SND1: variants seen among roughly 807,000 people sequenced by gnomAD.
SND1 encodes staphylococcal nuclease and tudor domain containing 1, also known as staphylococcal nuclease domain-containing protein 1.
A neutral mutation model predicts 121.7 loss-of-function variants in SND1; 38 were observed. That is an observed-to-expected ratio of 0.31 (90% CI 0.24 to 0.41). The LOEUF (loss-of-function observed/expected upper bound fraction) is 0.41. Among genes scored for constraint, SND1 ranks in the 10% least tolerant of loss-of-function variants. SND1 has a pLI of 1.00. For synonymous variants in SND1, 401 were observed against 447.4 expected (o/e 0.90, Z 1.31); for missense variants, 868 against 1,184.6 (o/e 0.73, Z 3.92).
At chr7:127,737,858 A>G (rs1796805288) in intron 10 of SND1, among the ~76,000 whole-genome samples, 1 of 152,210 alleles carries the variant, frequency 6.6e-6, no homozygotes, top group Non-Finnish European at 1.5e-5. Flanking sequence ...TATAACCTAG[A>G]GTCCGCATCT....
intron 2 of SND1, among the ~76,000 whole-genome samples, chr7:127,688,167 T>C (rs1408572945): frequency 6.6e-6 from 1 of 152,118 alleles, no homozygotes; most frequent in Non-Finnish European, 1.5e-5. Context: ...TTGAGAACCT[T>C]CTGTGCCTAA....
intron 3 of SND1, among the ~76,000 whole-genome samples, chr7:127,695,533 T>C (rs540435790): frequency 8.5e-4 from 129 of 152,146 alleles, no homozygotes; most frequent in Non-Finnish European, 1.1e-3. Flanking sequence ...ATTGAGAGAG[T>C]TGAAAGAGAT....
intron 10 of SND1, among the ~76,000 whole-genome samples, chr7:127,786,019 C>T (rs971804217): frequency 2.6e-5 from 4 of 151,772 alleles, no homozygotes; most frequent in African/African-American, 7.3e-5. Context: ...GGAAAGATGT[C>T]TAAAAAAAAT....
At chr7:128,013,230 C>T (rs1178315331) in intron 16 of SND1, among the ~76,000 whole-genome samples, 5 of 152,190 alleles carry the variant, frequency 3.3e-5, no homozygotes, top group Non-Finnish European at 5.9e-5. Context: ...CTCTGGATCA[C>T]TCTCCAGAGT....
intron 12 of SND1, among the ~76,000 whole-genome samples, chr7:127,878,647 C>T (rs1456849672): frequency 6.6e-6 from 1 of 151,992 alleles, no homozygotes; most frequent in Non-Finnish European, 1.5e-5. Flanking sequence ...AGTCTGTAGC[C>T]ACTGTTTTGA....
At chr7:127,713,888 G>T (rs947489503) in intron 9 of SND1, among the ~76,000 whole-genome samples, 5 of 152,192 alleles carry the variant, frequency 3.3e-5, no homozygotes, top group Non-Finnish European at 5.9e-5. Context: ...ACTTCACAGC[G>T]ATTAGCTGAG....
chr7:127,794,770 C>T (rs893385010), intron 10 of SND1, among the ~76,000 whole-genome samples: 1 of 152,140 alleles, frequency 6.6e-6, no homozygotes, highest in Non-Finnish European at 1.5e-5. Flanking sequence ...GGCATTGGCT[C>T]TCCATTTTTA....
chr7:128,028,862 C>T, intron 16 of SND1: 1 of 1,614,198 alleles, frequency 6.2e-7, no homozygotes, highest in Non-Finnish European at 8.5e-7. Flanking sequence ...CTACTGCCCC[C>T]TCACCTGATA....
intron 14 of SND1, among the ~76,000 whole-genome samples, chr7:127,926,617 A>G (rs906554922): frequency 6.9e-6 from 1 of 144,974 alleles, no homozygotes; most frequent in African/African-American, 2.6e-5. Flanking sequence ...CAGTGGCACA[A>G]TCTTGGCTCA....
chr7:128,014,364 G>T (rs1376253810), intron 16 of SND1, among the ~76,000 whole-genome samples: 1 of 151,872 alleles, frequency 6.6e-6, no homozygotes, highest in Non-Finnish European at 1.5e-5. Flanking sequence ...CCTAGAGATT[G>T]CAAGGTATTT....
At chr7:127,732,584 GT>G (rs1796698864) in intron 10 of SND1, among the ~76,000 whole-genome samples, 1 of 152,210 alleles carries the variant, frequency 6.6e-6, no homozygotes, top group African/African-American at 2.4e-5. Flanking sequence ...GCCAGAAAGA[GT>G]GGCATCTTTA....
At chr7:127,654,323 C>T (rs1016584664) in intron 1 of SND1, among the ~76,000 whole-genome samples, 2 of 152,210 alleles carry the variant, frequency 1.3e-5, no homozygotes, top group African/African-American at 4.8e-5. Flanking sequence ...TTATCAGCCA[C>T]ATTTTATAGA....
At chr7:127,840,914 CT>C (rs1798952916) in intron 11 of SND1, among the ~76,000 whole-genome samples, 1 of 152,150 alleles carries the variant, frequency 6.6e-6, no homozygotes, top group African/African-American at 2.4e-5. Context: ...TTCTTATTCT[CT>C]TGATATGGGA....
At chr7:127,738,617 G>T (rs1796823265) in intron 10 of SND1, among the ~76,000 whole-genome samples, 1 of 152,102 alleles carries the variant, frequency 6.6e-6, no homozygotes, top group African/African-American at 2.4e-5. Flanking sequence ...GTTTATCTGG[G>T]AGAAGTCCAT....
intron 13 of SND1, among the ~76,000 whole-genome samples, chr7:127,894,018 C>A (rs1800066739): frequency 6.6e-6 from 1 of 152,046 alleles, no homozygotes; most frequent in African/African-American, 2.4e-5. Flanking sequence ...TGTGTTTGAA[C>A]CTGTAGGAAA....
At position 127,652,316 on chromosome 7, in the gene SND1, C is replaced by G; in HGVS notation, c.-58C>G. The G allele has an allele frequency of 7.1e-7, 1 of 1,416,494 alleles. No homozygotes were observed. The highest frequency in any genetic ancestry group is 9.8e-7 in the Non-Finnish European group (1 of 1,022,044). 87.7% of individuals were successfully genotyped at this position (1,416,494 alleles called of 1,614,324 possible). The stretch of plus-strand genomic sequence containing the variant: ...ACTCCCTTTCACCAACACCGACACC[C>G]ACATTGACACCTCCAGTCCGGCCAG... On this transcript the variant is annotated 5_prime_UTR_variant, in exon 1 of 24. Transcript: ENST00000354725.
intron 10 of SND1, among the ~76,000 whole-genome samples, chr7:127,780,373 C>T (rs188712341): frequency 2.0e-4 from 30 of 152,212 alleles, no homozygotes; most frequent in African/African-American, 7.2e-4. Context: ...AGATGGGTGC[C>T]TGAGTTAGAA....
At chr7:127,794,126 C>T (rs988554894) in intron 10 of SND1, among the ~76,000 whole-genome samples, 25 of 152,250 alleles carry the variant, frequency 1.6e-4, no homozygotes, top group South Asian at 1.5e-3. Context: ...AGTCATCTTC[C>T]TTCGTTAAGG....
intron 15 of SND1, among the ~76,000 whole-genome samples, chr7:127,951,680 G>A (rs1020022049): frequency 4.6e-5 from 7 of 152,104 alleles, no homozygotes; most frequent in African/African-American, 1.4e-4. Context: ...GGTCCAAAAC[G>A]GGGGTTGGAA....
Sources: gnomAD v4.1 joint callset for allele counts (sites outside exome capture counted in the v4.1 genomes callset) on GRCh38, gnomAD v4.1.1 for gene constraint, MANE v1.5 for transcripts, NCBI Gene and HGNC (gene_info 2026-07-23, HGNC 2026-07-21) for gene names.